The following TMLHE variants were observed in gnomAD, a reference collection of about 807,000 sequenced individuals.
The protein encoded by TMLHE is trimethyllysine dioxygenase, mitochondrial.
In TMLHE, 18 loss-of-function variants were observed where a neutral mutation model predicts 25.7. That is an observed-to-expected ratio of 0.70 (90% CI 0.48 to 1.04). TMLHE has a LOEUF of 1.04. TMLHE is among the 50% of genes least tolerant of loss of function. The probability of loss-of-function intolerance (pLI) is 0.00; values close to 1 mark genes in which losing one functional copy is unlikely to be tolerated. For synonymous variants in TMLHE, 105 were observed against 97.0 expected (o/e 1.08, Z -0.49); for missense variants, 236 against 259.0 (o/e 0.91, Z 0.61).
intron 3 of TMLHE, among the ~76,000 whole-genome samples, chrX:155,523,779 CCATGAA>C (rs2067202664): frequency 8.9e-6 from 1 of 112,103 alleles, no homozygotes. Context: ...GTCTTCCAAT[CCATGAA>C]CATGATTTGT....
intron 1 of TMLHE, among the ~76,000 whole-genome samples, chrX:155,549,458 A>G (rs1033020144): frequency 9.0e-6 from 1 of 110,688 alleles, no homozygotes; most frequent in Non-Finnish European, 1.9e-5. Flanking sequence ...GAATTTTAGT[A>G]AATGTACTTT....
Position 155,574,159 on chromosome X carries a change from G to T in TMLHE, c.-1-28882C>A, listed in dbSNP as rs191881179. ...GTTGTAGAGAGCCACAGGCCAGAAG[G>T]CCTGCCAGCAAGAAATTTAACAGGG... On this transcript the variant is annotated intron_variant, in intron 1 of 7. Coordinates refer to ENST00000334398, the MANE Select transcript of TMLHE (RefSeq NM_018196.4). Among the ~76,000 whole-genome samples the T allele has an allele frequency of 2.9e-3, 316 of 107,961 alleles. 5 individuals are homozygous for T. Among genetic ancestry groups the T allele is most frequent in the Non-Finnish European group, 4.1e-3 (216 of 52,882 alleles). The allele number at this position is 107,961 out of a possible 115,157, so 93.8% of individuals were successfully genotyped here. A position where few individuals can be genotyped will look rare whatever the true frequency, so the allele number is the denominator to read the frequency against.
At chrX:155,548,534 G>GTT (rs1569562092) in intron 1 of TMLHE, among the ~76,000 whole-genome samples, 1 of 108,812 alleles carries the variant, frequency 9.2e-6, no homozygotes, top group Admixed American at 9.6e-5. Context: ...AGCAGTATGA[G>GTT]GCCAGCCTGA....
chrX:155,559,658 G>A (rs1003955295), intron 1 of TMLHE, among the ~76,000 whole-genome samples: 2 of 111,979 alleles, frequency 1.8e-5, no homozygotes, highest in Non-Finnish European at 3.8e-5. Context: ...TATTACTAAG[G>A]AAGAAGCATT....
chrX:155,548,071 C>G (rs1212866858), intron 1 of TMLHE, among the ~76,000 whole-genome samples: 5 of 111,790 alleles, frequency 4.5e-5, no homozygotes, highest in Admixed American at 9.5e-5. Flanking sequence ...ACCCCTACCT[C>G]TTGCCATATA....
At chrX:155,493,158 GA>G (rs1224549409) in intron 6 of TMLHE, 1 of 95,763 alleles carries the variant, frequency 1.0e-5, no homozygotes, top group African/African-American at 3.9e-5. Context: ...TAAATGCTAT[GA>G]AAAAATAATA....
chrX:155,555,920 G>T (rs1414258389), intron 1 of TMLHE, among the ~76,000 whole-genome samples: 1 of 109,573 alleles, frequency 9.1e-6, no homozygotes, highest in African/African-American at 3.4e-5. Context: ...ATTGCTTTTG[G>T]TGTTTTAGTC....
intron 4 of TMLHE, among the ~76,000 whole-genome samples, chrX:155,512,334 A>G (rs782701108): frequency 2.3e-5 from 2 of 87,366 alleles, no homozygotes; most frequent in South Asian, 1.2e-3. Flanking sequence ...CCACCCCACA[A>G]CAGTCCCCAG....
rs782468255 is a variant in TMLHE at position 155,553,989 on chromosome X, CATTCAT to C, written c.-1-8718_-1-8713del. On this transcript the variant is annotated intron_variant, in intron 1 of 7. Transcript: ENST00000334398. ...CATGACATTACTATTTTTATTCATT[CATTCAT>C]TCATTCATTCATTCATTCATTCATT... Among the ~76,000 whole-genome samples, 123 of 89,414 alleles carry C rather than the reference CATTCAT, an allele frequency of 1.4e-3. 3 individuals carry two copies. The highest frequency in any genetic ancestry group is 6.4e-3 in the African/African-American group (118 of 18,301). The allele number at this position is 89,414 out of a possible 115,157, so 77.6% of individuals were successfully genotyped here. A position where few individuals can be genotyped will look rare whatever the true frequency, so the allele number is the denominator to read the frequency against.
intron 4 of TMLHE, among the ~76,000 whole-genome samples, chrX:155,512,567 A>G (rs1336543629): frequency 3.6e-5 from 4 of 110,721 alleles, no homozygotes; most frequent in Non-Finnish European, 5.7e-5. Context: ...CCAGTCTATC[A>G]TTGTTGGACA....
chrX:155,515,623 G>A (rs961859717), intron 3 of TMLHE, among the ~76,000 whole-genome samples: 1 of 111,500 alleles, frequency 9.0e-6, no homozygotes, highest in Admixed American at 9.5e-5. Flanking sequence ...CCATCAAAAT[G>A]GAGTATTCTT....
chrX:155,547,168 G>A (rs1272104824), intron 1 of TMLHE, among the ~76,000 whole-genome samples: 2 of 101,613 alleles, frequency 2.0e-5, no homozygotes, highest in Admixed American at 2.1e-4. Flanking sequence ...TTTTTGAGAC[G>A]GAGTCTTGCT....
Position 155,507,027 on chromosome X carries a change from A to G in TMLHE, c.866T>C (p.Phe289Ser), listed in dbSNP as rs141804314. The G allele has an allele frequency of 1.7e-4, 211 of 1,207,901 alleles. No individual in the cohort carries two copies. The highest frequency in any genetic ancestry group is 2.1e-4 in the Non-Finnish European group (189 of 893,939). ...EQVLQKAPEEFELLSKVPLKH... is the reference protein window; with the variant it reads ...EQVLQKAPEESELLSKVPLKH... ...CAATGGCACTTTACTGAGGAGTTCA[A>G]ATTCCTCAGGTGCCTTTTGAAGTAC... is the stretch of plus-strand genomic sequence containing the variant. The change falls in exon 6 of 8, where the codon TTT becomes TCT. Residue 289 changes from phenylalanine (F) to serine (S), a missense_variant. Coordinates refer to ENST00000334398, the MANE Select transcript of TMLHE (RefSeq NM_018196.4).
chrX:155,529,232 C>T (rs2067236150), intron 2 of TMLHE, among the ~76,000 whole-genome samples: 1 of 111,174 alleles, frequency 9.0e-6, no homozygotes, highest in East Asian at 2.8e-4. Context: ...CAAAGTACAG[C>T]CTTGGGAATC....
At chrX:155,569,211 G>A (rs1557342697) in intron 1 of TMLHE, among the ~76,000 whole-genome samples, 1 of 57,466 alleles carries the variant, frequency 1.7e-5, no homozygotes, top group African/African-American at 4.2e-5. Flanking sequence ...GAGCCGATGC[G>A]ATCACCTGGA....
intron 1 of TMLHE, among the ~76,000 whole-genome samples, chrX:155,548,506 C>CA (rs2067374926): frequency 9.3e-6 from 1 of 108,052 alleles, no homozygotes; most frequent in Non-Finnish European, 1.9e-5. Context: ...GAGGTCAAGG[C>CA]GGGCGGATCA....
intron 1 of TMLHE, among the ~76,000 whole-genome samples, chrX:155,606,799 C>CAAAAA (rs59056895): frequency 2.5e-5 from 2 of 78,476 alleles, no homozygotes; most frequent in Admixed American, 1.5e-4. Context: ...CACAGAAATA[C>CAAAAA]AAAAAAAAAA....
rs782692025 is a variant in TMLHE, at chrX:155,589,446, T to TCAAA, written c.-2+23342_-2+23345dup. 9.9e-5 allele frequency among the ~76,000 whole-genome samples: 11 copies of TCAAA among 111,522 alleles called. No individual in the cohort carries two copies. The East Asian group carries it at 1.7e-3, about 17-fold the overall frequency. ...GCCTGGGTGACAGAGTGAGACTCTC[T>TCAAA]CAAACAAACAAACAAAAAAACAATG... On this transcript the variant is annotated intron_variant, in intron 1 of 7. Coordinates refer to ENST00000334398, the MANE Select transcript of TMLHE (RefSeq NM_018196.4).
intron 3 of TMLHE, among the ~76,000 whole-genome samples, chrX:155,515,183 T>C (rs1199084636): frequency 9.0e-6 from 1 of 111,204 alleles, no homozygotes; most frequent in Non-Finnish European, 1.9e-5. Context: ...CTGTACATTC[T>C]CTTATTTTAT....
Sources: allele counts gnomAD v4.1 joint callset (sites outside exome capture counted in the v4.1 genomes callset), GRCh38; gene constraint gnomAD v4.1.1; transcripts MANE v1.5; gene names NCBI Gene and HGNC (gene_info 2026-07-23, HGNC 2026-07-21).